TECTA: variants seen among roughly 807,000 people sequenced by gnomAD.
The protein encoded by TECTA is alpha-tectorin.
Under a neutral mutation model 216.8 loss-of-function variants are expected in TECTA, and 128 were observed. The observed-to-expected ratio is 0.59, with a 90% CI of 0.51 to 0.68. The LOEUF (loss-of-function observed/expected upper bound fraction) is 0.68, where lower values mean the gene tolerates loss of function less well. Ranked by LOEUF, TECTA falls within the 30% of genes least tolerant of loss-of-function variation. The pLI is 0.00. For missense variants in TECTA, 2,551 were observed against 2,786.2 expected, an observed-to-expected ratio of 0.92 and a Z score of 1.90; for synonymous variants, 1,089 against 1,117.1, an observed-to-expected ratio of 0.97 and a Z score of 0.50.
chr11:121,174,692 A>G (rs61901205), intron 20 of TECTA, among the ~76,000 whole-genome samples: 4 of 151,218 alleles, frequency 2.6e-5, no homozygotes, highest in South Asian at 2.1e-4. Context: ...GTATCAGGAT[A>G]ATGCTGGCCT....
At chr11:121,146,324 C>T (rs1946838609) in intron 12 of TECTA, 1 of 622,418 alleles carries the variant, frequency 1.6e-6, no homozygotes, top group East Asian at 2.8e-5. Context: ...GAGTTAATAT[C>T]ACTTATTTCA....
chr11:121,182,902 TG>T (rs1156595815), intron 20 of TECTA, among the ~76,000 whole-genome samples: 4 of 152,126 alleles, frequency 2.6e-5, no homozygotes, highest in Non-Finnish European at 4.4e-5. Context: ...TGACAGCACC[TG>T]GTGGGCTGAT....
intron 23 of TECTA, chr11:121,190,146 G>A (rs1947327618): frequency 1.3e-5 from 6 of 454,452 alleles, no homozygotes; most frequent in South Asian, 1.1e-4. Context: ...CAATTTTAAG[G>A]ACCATATATT....
rs1301822819 is a variant in TECTA at position 121,125,335 on chromosome 11, T to G, written c.1237T>G (p.Leu413Val). The change falls in exon 8 of 24, where the codon TTA (leucine) becomes GTA (valine). Residue 413 changes from leucine (L) to valine (V), a missense_variant. Leu to Val is a conservative substitution (Grantham distance 32). Transcript: ENST00000392793. ...NDLVTSLPVTLDLGTVKIYQS... is the reference protein window; with the variant it reads ...NDLVTSLPVTVDLGTVKIYQS... ...CCTAGTGACTTCTTTGCCTGTCACC[T>G]TAGACTTGGGGACAGTGAAAATCTA... is the stretch of plus-strand genomic sequence containing the variant. 1.2e-6 allele frequency: 2 copies of G among 1,614,014 alleles called. No homozygotes were observed. Among genetic ancestry groups the G allele is most frequent in the South Asian group, 2.2e-5 (2 of 91,090 alleles).
At chr11:121,130,256 T>C (rs758264179) in intron 10 of TECTA, 45 bp downstream of exon 10, 4 of 1,591,048 alleles carry the variant, frequency 2.5e-6, no homozygotes, top group Middle Eastern at 1.9e-4. Flanking sequence ...AGCTGGGAAA[T>C]AGGTGCCATG....
At chr11:121,103,693 A>G (rs1946366877) in intron 2 of TECTA, among the ~76,000 whole-genome samples, 1 of 152,138 alleles carries the variant, frequency 6.6e-6, no homozygotes, top group African/African-American at 2.4e-5. Context: ...TTGATAGGCC[A>G]TGCTGCTAAC....
intron 20 of TECTA, among the ~76,000 whole-genome samples, chr11:121,170,054 T>G (rs1385521656): frequency 2.0e-5 from 3 of 152,170 alleles, no homozygotes; most frequent in African/African-American, 7.2e-5. Context: ...ACTCTGTACT[T>G]CCATGAAATC....
rs140764850 is a variant in TECTA at position 121,170,442 on chromosome 11, G to T, written c.5999+1517G>T. Among the ~76,000 whole-genome samples the T allele has an allele frequency of 8.4e-4, 122 of 145,510 alleles. 1 individual carries two copies. The Middle Eastern group carries it at 0.024, about 28-fold the overall frequency. On this transcript the variant is annotated intron_variant, in intron 20 of 23. Coordinates refer to ENST00000392793, the MANE Select transcript of TECTA (RefSeq NM_005422.4). ...TTTTTTGTTTTGTTTTGTTTTGTTTGGTTTTGTTTTGTTTTGCTTTGTTTT... is the reference window on the plus strand; with the variant it reads ...TTTTTTGTTTTGTTTTGTTTTGTTTTGTTTTGTTTTGTTTTGCTTTGTTTT...
chr11:121,161,698 TATC>T (rs1418546538), intron 15 of TECTA, among the ~76,000 whole-genome samples: 3 of 150,912 alleles, frequency 2.0e-5, no homozygotes, highest in East Asian at 3.9e-4. Context: ...TTCCACGAGG[TATC>T]ATTACTATTA....
rs563775304 is a variant in TECTA at position 121,153,038 on chromosome 11, G to A, written c.4263G>A (p.Leu1421=). The A allele has an allele frequency of 1.2e-5, 19 of 1,614,160 alleles. No homozygotes were observed. The South Asian group carries it at 1.9e-4, about 16-fold the overall frequency. Residue 1421 remains leucine (L), a synonymous_variant, in exon 13 of 24, where the codon CTG becomes CTA. Coordinates refer to ENST00000392793, the MANE Select transcript of TECTA (RefSeq NM_005422.4). ...TCCTCAACGGCAAGAGCTGCATCCT[G>A]CCCCACAGCTGCGGCTGCTACTCCG... ...GYVLNGKSCI[L]PHSCGCYSDG...
chr11:121,146,271 A>G, intron 12 of TECTA, 155 bp downstream of exon 12: 1 of 867,778 alleles, frequency 1.2e-6, no homozygotes, highest in Non-Finnish European at 1.8e-6. Context: ...ATGAAGCATG[A>G]CATGTAACCT....
intron 10 of TECTA, among the ~76,000 whole-genome samples, chr11:121,132,814 C>G (rs576744638): frequency 2.6e-5 from 4 of 152,282 alleles, no homozygotes; most frequent in African/African-American, 7.2e-5. Context: ...CTGCCCCCAC[C>G]AGGTTCAAGC....
intron 3 of TECTA, 84 bp downstream of exon 3, chr11:121,106,048 C>T: frequency 6.2e-7 from 1 of 1,605,012 alleles, no homozygotes; most frequent in Non-Finnish European, 8.5e-7. Flanking sequence ...TATCCTCTTC[C>T]AGAGCTCTGG....
chr11:121,122,843 A>T (rs1391936971), intron 7 of TECTA, among the ~76,000 whole-genome samples: 1 of 98,508 alleles, frequency 1.0e-5, no homozygotes, highest in Non-Finnish European at 2.0e-5. Context: ...ACAGAGCAAG[A>T]CCCTGTTTCA....
At chr11:121,107,025 G>A (rs1190174639) in intron 3 of TECTA, among the ~76,000 whole-genome samples, 2 of 152,172 alleles carry the variant, frequency 1.3e-5, no homozygotes, top group African/African-American at 4.8e-5. Flanking sequence ...CAAGACACAC[G>A]TGAGTCATCA....
chr11:121,189,878 G>A lies in TECTA; in HGVS notation c.6365G>A (p.Arg2122Lys). Residue 2122 changes from arginine to lysine, a missense_variant and splice_region_variant, in exon 23 of 24, where the codon AGA becomes AAA. Arg to Lys is a conservative substitution (Grantham distance 26). This residue lies in a region of TECTA where 118 missense variants were observed against 116.4 expected (regional missense o/e 1.01). Transcript: ENST00000392793. Reference protein sequence around the residue: ...GTLQEDGKSCRASNSSMELQV... With the variant: ...GTLQEDGKSCKASNSSMELQV... ...CTGCAGGAGGACGGCAAGAGCTGCA[G>A]AGGTAGACACTCTTCTACCCTGGGG... is the stretch of plus-strand genomic sequence containing the variant. The A allele has an allele frequency of 6.2e-7, 1 of 1,612,214 alleles. No homozygotes were observed. Among genetic ancestry groups the A allele is most frequent in the Non-Finnish European group, 8.5e-7 (1 of 1,179,420 alleles).
rs142140886 is a variant in TECTA at position 121,180,390 on chromosome 11, T to C, written c.6000-7442T>C. 1.6e-3 allele frequency among the ~76,000 whole-genome samples: 247 copies of C among 152,296 alleles called. 1 individual carries two copies. The highest frequency in any genetic ancestry group is 5.7e-3 in the African/African-American group (237 of 41,514). On this transcript the variant is annotated intron_variant, in intron 20 of 23. Coordinates refer to ENST00000392793, the MANE Select transcript of TECTA (RefSeq NM_005422.4). ...TTTTGAAGGATAGCTTTGCTGGGTA[T>C]AGTATTCTTGATTAGCAGGTTTTTT...
chr11:121,168,619 G>T, intron 19 of TECTA, 58 bp from the exon 20 acceptor site: 1 of 1,613,524 alleles, frequency 6.2e-7, no homozygotes, highest in Admixed American at 1.7e-5. Flanking sequence ...AAAAATGGTA[G>T]GTAATTGAAT....
chr11:121,150,197 G>C (rs1946876338), intron 12 of TECTA, among the ~76,000 whole-genome samples: 1 of 152,170 alleles, frequency 6.6e-6, no homozygotes, highest in Non-Finnish European at 1.5e-5. Flanking sequence ...TTCAGAAACA[G>C]GCCCAAACAC....
Sources: allele counts gnomAD v4.1 joint callset (sites outside exome capture counted in the v4.1 genomes callset), GRCh38; gene constraint gnomAD v4.1.1; regional missense constraint gnomAD v4.1.1; transcripts MANE v1.5; gene names NCBI Gene and HGNC (gene_info 2026-07-23, HGNC 2026-07-21).